The following HOMER1 variants were observed in gnomAD, a reference collection of about 807,000 sequenced individuals.
HOMER1 encodes the protein homer scaffold protein 1.
In HOMER1, 3 loss-of-function variants were observed where a neutral mutation model predicts 48.9. The ratio of observed to expected loss-of-function variants is 0.06; its 90% CI spans 0.03 to 0.16. The LOEUF is 0.16. Among genes scored for constraint, HOMER1 ranks in the 10% least tolerant of loss-of-function variants. The probability of loss-of-function intolerance (pLI) is 1.00; values close to 1 mark genes in which losing one functional copy is unlikely to be tolerated. For missense variants in HOMER1, 247 were observed against 411.4 expected (o/e 0.60, Z 3.46); for synonymous variants, 134 against 146.4 (o/e 0.92, Z 0.61).
At chr5:79,492,817 T>C (rs892550466) in intron 1 of HOMER1, among the ~76,000 whole-genome samples, 45 of 151,376 alleles carry the variant, frequency 3.0e-4, no homozygotes, top group African/African-American at 1.1e-3. Flanking sequence ...GTGATACGTA[T>C]ATTAAAATAA....
Position 79,451,131 on chromosome 5 carries a change from AAAGC to A in HOMER1, c.163-14_163-11del. The A allele has an allele frequency of 9.3e-6, 15 of 1,609,170 alleles. No homozygotes were observed. Among genetic ancestry groups the A allele is most frequent in the Non-Finnish European group, 1.3e-5 (15 of 1,176,218 alleles). ...TACTATTTATTATTGCCTAAAAAAT[AAAGC>A]AAGTATGAGCAACCAGCAAAAAATC... On this transcript the variant is annotated splice_polypyrimidine_tract_variant and intron_variant, in intron 2 of 8. Coordinates refer to ENST00000334082, the MANE Select transcript of HOMER1 (RefSeq NM_004272.5).
intron 4 of HOMER1, among the ~76,000 whole-genome samples, chr5:79,443,099 A>G (rs1161115038): frequency 6.6e-6 from 1 of 152,204 alleles, no homozygotes; most frequent in African/African-American, 2.4e-5. Flanking sequence ...GCTTACCAAG[A>G]GTCAGCTGTA....
At chr5:79,431,475 G>A (rs1750423669) in intron 5 of HOMER1, among the ~76,000 whole-genome samples, 1 of 152,166 alleles carries the variant, frequency 6.6e-6, no homozygotes, top group South Asian at 2.1e-4. Flanking sequence ...GAGTGTGGGT[G>A]TATAGGGAGA....
chr5:79,400,735 ACTT>A (rs772906830), intron 6 of HOMER1, among the ~76,000 whole-genome samples: 123 of 142,934 alleles, frequency 8.6e-4, no homozygotes, highest in South Asian at 6.2e-3. Context: ...AAAAAAAAAA[ACTT>A]CTTCTTTTTT....
intron 5 of HOMER1, among the ~76,000 whole-genome samples, chr5:79,416,754 A>G (rs1030573764): frequency 1.2e-4 from 18 of 152,170 alleles, no homozygotes; most frequent in African/African-American, 4.1e-4. Context: ...TTTCACTTCC[A>G]CTTTGTATCC....
At chr5:79,392,657 C>T (rs1231244200) in intron 8 of HOMER1, among the ~76,000 whole-genome samples, 1 of 151,972 alleles carries the variant, frequency 6.6e-6, no homozygotes, top group Non-Finnish European at 1.5e-5. Flanking sequence ...GTAGTGTAGT[C>T]TAAGTGCAGT....
intron 8 of HOMER1, 119 bp downstream of exon 8, chr5:79,396,704 C>A: frequency 1.9e-6 from 1 of 515,072 alleles, no homozygotes; most frequent in South Asian, 3.6e-5. Context: ...ATCAGAAGTC[C>A]CGGAAAAGAA....
At chr5:79,499,275 C>G (rs975395360) in intron 1 of HOMER1, among the ~76,000 whole-genome samples, 2 of 152,094 alleles carry the variant, frequency 1.3e-5, no homozygotes, top group Admixed American at 6.5e-5. Context: ...GGCTCATGTG[C>G]CCAATAACTA....
intron 1 of HOMER1, among the ~76,000 whole-genome samples, chr5:79,472,091 A>G (rs776840216): frequency 7.2e-5 from 11 of 152,172 alleles, no homozygotes; most frequent in Non-Finnish European, 1.2e-4. Flanking sequence ...AGTAAAGTAT[A>G]ATCTCCTCAA....
chr5:79,473,682 T>C (rs1462214369), intron 1 of HOMER1, among the ~76,000 whole-genome samples: 1 of 152,128 alleles, frequency 6.6e-6, no homozygotes, highest in Non-Finnish European at 1.5e-5. Context: ...TTTTGAGACA[T>C]TTGAGAAGAA....
At chr5:79,483,347 A>G (rs1004279899) in intron 1 of HOMER1, among the ~76,000 whole-genome samples, 6 of 152,204 alleles carry the variant, frequency 3.9e-5, no homozygotes, top group African/African-American at 9.6e-5. Context: ...AACATCTTTC[A>G]TCTTTCAGAA....
At chr5:79,490,142 C>A (rs1188323084) in intron 1 of HOMER1, among the ~76,000 whole-genome samples, 2 of 152,142 alleles carry the variant, frequency 1.3e-5, no homozygotes, top group Non-Finnish European at 2.9e-5. Flanking sequence ...TAGAAGAGTG[C>A]CAGGCACACA....
chr5:79,463,346 A>T (rs1751371030), intron 1 of HOMER1, among the ~76,000 whole-genome samples: 1 of 152,242 alleles, frequency 6.6e-6, no homozygotes. Context: ...GTACACATGT[A>T]AGAAGGAATA....
At chr5:79,427,716 CCCTT>C (rs1353766114) in intron 5 of HOMER1, among the ~76,000 whole-genome samples, 2 of 120,262 alleles carry the variant, frequency 1.7e-5, no homozygotes, top group Non-Finnish European at 3.3e-5. Context: ...TCCTTTCCTT[CCCTT>C]CCTTCCTTCC....
chr5:79,420,798 G>A (rs1245624530), intron 5 of HOMER1, among the ~76,000 whole-genome samples: 1 of 152,100 alleles, frequency 6.6e-6, no homozygotes, highest in Admixed American at 6.5e-5. Context: ...GTCTCATGAA[G>A]CTCCTCGAAG....
intron 4 of HOMER1, among the ~76,000 whole-genome samples, chr5:79,439,507 G>A (rs954192903): frequency 2.0e-5 from 3 of 152,064 alleles, no homozygotes; most frequent in Non-Finnish European, 4.4e-5. Context: ...TACTTCAGAA[G>A]AAAAGATGCA....
intron 5 of HOMER1, among the ~76,000 whole-genome samples, chr5:79,411,693 C>T (rs1004389996): frequency 2.6e-5 from 4 of 152,222 alleles, no homozygotes; most frequent in Non-Finnish European, 5.9e-5. Context: ...AGCTGCCTCT[C>T]TCCCATTCCT....
At chr5:79,380,051 A>G (rs1438629542) in intron 8 of HOMER1, among the ~76,000 whole-genome samples, 1 of 152,224 alleles carries the variant, frequency 6.6e-6, no homozygotes, top group Non-Finnish European at 1.5e-5. Flanking sequence ...GGAATTAAAC[A>G]GAAAAAGTGA....
intron 8 of HOMER1, among the ~76,000 whole-genome samples, chr5:79,388,550 T>C (rs567433001): frequency 1.2e-3 from 185 of 152,288 alleles, no homozygotes; most frequent in African/African-American, 4.4e-3. Flanking sequence ...TATTCCACTC[T>C]GAACTAAATA....
Sources: allele counts gnomAD v4.1 joint callset (sites outside exome capture counted in the v4.1 genomes callset), GRCh38; gene constraint gnomAD v4.1.1; transcripts MANE v1.5; gene names NCBI Gene and HGNC (gene_info 2026-07-23, HGNC 2026-07-21).